HSDL1: variants seen among roughly 807,000 people sequenced by gnomAD.
The protein encoded by HSDL1 is inactive hydroxysteroid dehydrogenase-like protein 1.
Under a neutral mutation model 31.5 loss-of-function variants are expected in HSDL1, and 29 were observed. That is an observed-to-expected ratio of 0.92 (90% CI 0.69 to 1.26). The LOEUF (loss-of-function observed/expected upper bound fraction) is 1.26, where lower values mean the gene tolerates loss of function less well. HSDL1 is among the 50% of genes most tolerant of loss of function. HSDL1 has a pLI of 0.00. For missense variants in HSDL1, 503 were observed against 416.6 expected (o/e 1.21, Z -1.81); for synonymous variants, 222 against 155.2 (o/e 1.43, Z -3.20).
chr16:84,140,874 C>T (rs1438325496), intron 1 of HSDL1, among the ~76,000 whole-genome samples: 8 of 152,148 alleles, frequency 5.3e-5, no homozygotes, highest in Non-Finnish European at 7.4e-5. Flanking sequence ...GAGGCCGAGG[C>T]GGGCGGATCA....
intron 1 of HSDL1, among the ~76,000 whole-genome samples, chr16:84,142,105 G>T (rs2086774362): frequency 6.6e-6 from 1 of 151,988 alleles, no homozygotes; most frequent in Non-Finnish European, 1.5e-5. Context: ...TTTTTTTTGT[G>T]TGTGTAGAGA....
rs1294681688 is a variant in HSDL1 at position 84,123,990 on chromosome 16, C to G, written c.*640G>C. The G allele has an allele frequency of 6.6e-6, 1 of 152,358 alleles. No individual in the cohort carries two copies. The highest frequency in any genetic ancestry group is 1.5e-5 in the Non-Finnish European group (1 of 68,212). 9.4% of individuals were successfully genotyped at this position (152,358 alleles called of 1,614,324 possible). ...GATTGTTTTAATACCCTATAAGAGT[C>G]CATGTTAAGTCACCCTGACAAAAAA... On this transcript the variant is annotated 3_prime_UTR_variant, in exon 6 of 6. Transcript: ENST00000219439.
intron 5 of HSDL1, among the ~76,000 whole-genome samples, chr16:84,125,943 A>C (rs894807569): frequency 1.3e-5 from 2 of 152,100 alleles, no homozygotes; most frequent in Non-Finnish European, 2.9e-5. Context: ...CTCTACTAAA[A>C]ATACAAAAAA....
Position 84,122,957 on chromosome 16 carries a change from C to A in HSDL1, c.*1673G>T, listed in dbSNP as rs2086569341. ...TCTAAGACATTACTGGACCACGTAA[C>A]CTTACATATAACTACCTGACCATAT... On this transcript the variant is annotated 3_prime_UTR_variant, in exon 6 of 6. Transcript: ENST00000219439. 1.3e-5 allele frequency: 2 copies of A among 152,194 alleles called. No homozygotes were observed. Among genetic ancestry groups the A allele is most frequent in the Non-Finnish European group, 2.9e-5 (2 of 68,036 alleles). The allele number at this position is 152,194 out of a possible 1,614,324, so 9.4% of individuals were successfully genotyped here. A position where few individuals can be genotyped will look rare whatever the true frequency, so the allele number is the denominator to read the frequency against.
In HSDL1 at chr16:84,124,499, C is replaced by A; in HGVS notation, c.*131G>T. ...CTCTGACGGTATTATGTGTGTTTTG[C>A]AAATGACGAATCAACAGTATGCTGA... On this transcript the variant is annotated 3_prime_UTR_variant, in exon 6 of 6. Transcript: ENST00000219439. 3.1e-6 allele frequency: 2 copies of A among 646,346 alleles called. No individual in the cohort carries two copies. The highest frequency in any genetic ancestry group is 5.7e-6 in the Non-Finnish European group (2 of 352,584). The allele number at this position is 646,346 out of a possible 1,614,324, so 40.0% of individuals were successfully genotyped here.
In HSDL1 at chr16:84,145,114, C is replaced by T. The variant is rs2086837265; in HGVS notation, c.-103G>A. On this transcript the variant is annotated 5_prime_UTR_variant, in exon 1 of 6. Transcript: ENST00000219439. ...GGCAAAGTCTTCCAAACCGGTCCCG[C>T]CAGACCCGCGCGGCCGCCGCCCCCG... 5.7e-6 allele frequency: 1 copy of T among 176,636 alleles called. No homozygotes were observed. Among genetic ancestry groups the T allele is most frequent in the Non-Finnish European group, 1.2e-5 (1 of 85,238 alleles). The allele number at this position is 176,636 out of a possible 1,614,324, so 10.9% of individuals were successfully genotyped here. A position where few individuals can be genotyped will look rare whatever the true frequency, so the allele number is the denominator to read the frequency against.
At chr16:84,143,867 G>A (rs947049073) in intron 1 of HSDL1, among the ~76,000 whole-genome samples, 2 of 151,860 alleles carry the variant, frequency 1.3e-5, no homozygotes, top group Non-Finnish European at 2.9e-5. Flanking sequence ...GCTGGGTGTG[G>A]TAGAACGTGC....
At chr16:84,132,181 C>T (rs988946807) in intron 2 of HSDL1, among the ~76,000 whole-genome samples, 5 of 152,200 alleles carry the variant, frequency 3.3e-5, no homozygotes, top group Non-Finnish European at 7.3e-5. Flanking sequence ...ATAACAAACA[C>T]AAAGCTTCTA....
chr16:84,129,843 G>A lies in HSDL1; in HGVS notation c.667-68C>T, dbSNP rs1012952546. The stretch of plus-strand genomic sequence containing the variant: ...AACTTGAAAATTCAGGAGAAAAAAA[G>A]ACTTGCTTATTATCAATTCAGGAAA... On this transcript the variant is annotated intron_variant, in intron 4 of 5. Coordinates refer to ENST00000219439, the MANE Select transcript of HSDL1 (RefSeq NM_031463.5). 5.6e-6 allele frequency: 8 copies of A among 1,440,694 alleles called. No individual in the cohort carries two copies. In the Admixed American group the frequency reaches 8.1e-5, roughly 15 times the overall value. 89.2% of individuals were successfully genotyped at this position (1,440,694 alleles called of 1,614,324 possible).
intron 2 of HSDL1, among the ~76,000 whole-genome samples, chr16:84,134,315 A>G (rs2086693425): frequency 6.6e-6 from 1 of 152,200 alleles, no homozygotes; most frequent in African/African-American, 2.4e-5. Flanking sequence ...TTAATATCCT[A>G]TAAGAACATT....
chr16:84,130,114 C>A lies in HSDL1; in HGVS notation c.538G>T (p.Ala180Ser). 9 of 1,614,132 alleles carry A rather than the reference C, an allele frequency of 5.6e-6. No individual in the cohort carries two copies. Among genetic ancestry groups the A allele is most frequent in the Non-Finnish European group, 7.6e-6 (9 of 1,180,022 alleles). ...ACAACATGGACCATCAAACTAGCGGCGGCAATGTTCACATTTATGATGTCC... is the reference window on the plus strand; with the variant it reads ...ACAACATGGACCATCAAACTAGCGGAGGCAATGTTCACATTTATGATGTCC... ...LWDIINVNIA[A>S]ASLMVHVVLP... Residue 180 changes from alanine (A) to serine (S), a missense_variant, in exon 4 of 6, where the codon GCC (alanine) becomes TCC (serine). Transcript: ENST00000219439.
intron 1 of HSDL1, among the ~76,000 whole-genome samples, chr16:84,136,013 G>C (rs1304734130): frequency 6.6e-6 from 1 of 152,246 alleles, no homozygotes; most frequent in Non-Finnish European, 1.5e-5. Context: ...TCTGCCTGGT[G>C]CCTGTCTGGG....
chr16:84,135,211 C>T (rs559166536), intron 2 of HSDL1, among the ~76,000 whole-genome samples: 1 of 147,102 alleles, frequency 6.8e-6, no homozygotes, highest in East Asian at 2.0e-4. Flanking sequence ...CCAGCCTGGA[C>T]GACAGAGGGA....
intron 2 of HSDL1, among the ~76,000 whole-genome samples, chr16:84,134,972 G>A (rs919983005): frequency 2.6e-5 from 4 of 152,142 alleles, no homozygotes; most frequent in Admixed American, 1.3e-4. Flanking sequence ...GGTGGCTCGC[G>A]CCTGTAGTCC....
chr16:84,137,344 G>A (rs1015047834), intron 1 of HSDL1, among the ~76,000 whole-genome samples: 1 of 152,200 alleles, frequency 6.6e-6, no homozygotes, highest in African/African-American at 2.4e-5. Context: ...CACAGCACAG[G>A]CTGTGCTGTC....
intron 1 of HSDL1, among the ~76,000 whole-genome samples, 193 bp from the exon 2 acceptor site, chr16:84,135,798 G>A (rs1301371354): frequency 3.3e-5 from 5 of 152,228 alleles, no homozygotes; most frequent in Admixed American, 1.3e-4. Context: ...TAAGAAAAGC[G>A]CCTGGCGTCT....
At position 84,124,393 on chromosome 16, in the gene HSDL1, A is replaced by C. The variant is rs758669225; in HGVS notation, c.*237T>G. 2.7e-6 allele frequency: 1 copy of C among 372,430 alleles called. No individual in the cohort carries two copies. The highest frequency in any genetic ancestry group is 5.0e-6 in the Non-Finnish European group (1 of 199,742). 23.1% of individuals were successfully genotyped at this position (372,430 alleles called of 1,614,324 possible). A position where few individuals can be genotyped will look rare whatever the true frequency, so the allele number is the denominator to read the frequency against. ...CTTTCAAACAGCTTAGGGAAAAAGC[A>C]CTGAAATGTAGATGTCGTCAATCAG... is the stretch of plus-strand genomic sequence containing the variant. On this transcript the variant is annotated 3_prime_UTR_variant, in exon 6 of 6. Transcript: ENST00000219439.
At position 84,123,465 on chromosome 16, in the gene HSDL1, T is replaced by C. The variant is rs115005131; in HGVS notation, c.*1165A>G. The C allele has an allele frequency of 1.1e-3, 174 of 152,324 alleles. No homozygotes were observed. The highest frequency in any genetic ancestry group is 3.9e-3 in the African/African-American group (161 of 41,570). The allele number at this position is 152,324 out of a possible 1,614,324, so 9.4% of individuals were successfully genotyped here. A position where few individuals can be genotyped will look rare whatever the true frequency, so the allele number is the denominator to read the frequency against. ...TTTATATGACCCAAACTAAGGACAT[T>C]TCACAGGTTTCAATGTTAACGCGTA... On this transcript the variant is annotated 3_prime_UTR_variant, in exon 6 of 6. Coordinates refer to ENST00000219439, the MANE Select transcript of HSDL1 (RefSeq NM_031463.5).
Position 84,124,038 on chromosome 16 carries a change from A to G in HSDL1, c.*592T>C, listed in dbSNP as rs2086579200. The G allele has an allele frequency of 6.6e-6, 1 of 152,450 alleles. No homozygotes were observed. 9.4% of individuals were successfully genotyped at this position (152,450 alleles called of 1,614,324 possible). ...AAATCTTTTTAAAAATATGGTAACC[A>G]TAAATAAAGTTGCTCAAAGGCACCA... On this transcript the variant is annotated 3_prime_UTR_variant, in exon 6 of 6. Coordinates refer to ENST00000219439, the MANE Select transcript of HSDL1 (RefSeq NM_031463.5).
Sources: allele counts gnomAD v4.1 joint callset (sites outside exome capture counted in the v4.1 genomes callset), GRCh38; gene constraint gnomAD v4.1.1; transcripts MANE v1.5; gene names NCBI Gene and HGNC (gene_info 2026-07-23, HGNC 2026-07-21).